Variants in ZFP57 observed in about 807,000 individuals in gnomAD.
The protein encoded by ZFP57 is zinc finger protein 57 homolog.
ZFP57 carries 12 observed loss-of-function variants against 15.8 expected under a neutral mutation model. The observed-to-expected ratio is 0.76, with a 90% CI of 0.49 to 1.23. ZFP57 has a LOEUF of 1.23. ZFP57 is among the 50% of genes most tolerant of loss of function. The pLI, the probability that ZFP57 is intolerant of heterozygous loss-of-function variation, is 0.00. For synonymous variants in ZFP57, 203 were observed against 242.3 expected, an observed-to-expected ratio of 0.84 and a Z score of 1.51; for missense variants, 536 against 654.9, an observed-to-expected ratio of 0.82 and a Z score of 1.98.
chr6:29,672,695 G>A lies in ZFP57; in HGVS notation c.1416C>T (p.His472=), dbSNP rs1355295275. The part of the protein sequence containing the change: ...YKGKDLCQSS[H]HKCRVILGQW... ...GGCCCAGGATCACCCGGCATTTATG[G>A]TGGCTGCTCTGGCACAGGTCCTTGC... is the stretch of plus-strand genomic sequence containing the variant. The change falls in exon 5 of 5, where the codon CAC becomes CAT. Residue 472 remains histidine (H), a synonymous_variant. Coordinates refer to ENST00000376883, the MANE Select transcript of ZFP57 (RefSeq NM_001109809.5). 3 of 1,612,706 alleles carry A rather than the reference G, an allele frequency of 1.9e-6. No individual in the cohort carries two copies. Among genetic ancestry groups the A allele is most frequent in the Non-Finnish European group, 1.7e-6 (2 of 1,179,768 alleles).
rs750951540 is a variant in ZFP57 at position 29,673,117 on chromosome 6, G to T, written c.994C>A (p.Pro332Thr). Residue 332 changes from proline to threonine, a missense_variant, in exon 5 of 5, where the codon CCC (proline) becomes ACC (threonine). Coordinates refer to ENST00000376883, the MANE Select transcript of ZFP57 (RefSeq NM_001109809.5). The surrounding 1 kb of genome is among the most constrained non-coding windows in gnomAD (Gnocchi z 4.7). ...ATAGGACCCTCAGTTCTAAATATGG[G>T]TTCCTGGGACCTGGCCACTGGTGCA... ...NHAPVARSQE[P>T]IFRTEGPMAQ... is the part of the protein sequence containing the mutation. The T allele has an allele frequency of 6.2e-7, 1 of 1,612,820 alleles. No individual in the cohort carries two copies. Among genetic ancestry groups the T allele is most frequent in the Non-Finnish European group, 8.5e-7 (1 of 1,180,014 alleles).
Position 29,673,856 on chromosome 6 carries a change from G to A in ZFP57, c.353-98C>T, listed in dbSNP as rs1055129094. 6.8e-7 allele frequency: 1 copy of A among 1,463,416 alleles called. No homozygotes were observed. The highest frequency in any genetic ancestry group is 2.3e-5 in the East Asian group (1 of 44,146). 90.7% of individuals were successfully genotyped at this position (1,463,416 alleles called of 1,614,324 possible). On this transcript the variant is annotated intron_variant, in intron 4 of 4. Coordinates refer to ENST00000376883, the MANE Select transcript of ZFP57 (RefSeq NM_001109809.5). This position sits in a 1 kb window ranked among gnomAD's most constrained non-coding sequence, Gnocchi z 4.7. ...CACCTGTAATCCCAGCACTTTGGGA[G>A]GCCGAGGCCAGCGGATCACCTGAGG...
At chr6:29,677,768 T>TACATACACACACAC (rs71550149) in intron 1 of ZFP57, among the ~76,000 whole-genome samples, 6,477 of 149,578 alleles carry the variant, frequency 0.043, 207 homozygotes, top group South Asian at 0.11. Flanking sequence ...ACCAAAATTA[T>TACATACACACACAC]ACACACACAC....
intron 1 of ZFP57, among the ~76,000 whole-genome samples, chr6:29,680,087 C>G (rs1002028336): frequency 6.6e-6 from 1 of 152,140 alleles, no homozygotes; most frequent in African/African-American, 2.4e-5. Context: ...TGTTGCTTGC[C>G]CAGGCACGTT....
At chr6:29,680,064 G>T (rs1174984054) in intron 1 of ZFP57, among the ~76,000 whole-genome samples, 1 of 152,190 alleles carries the variant, frequency 6.6e-6, no homozygotes, top group African/African-American at 2.4e-5. Flanking sequence ...CGTGGGGACT[G>T]AATCTCTGCG....
chr6:29,673,171 A>G lies in ZFP57; in HGVS notation c.940T>C (p.Ser314Pro). ...FQTPIARSQR[S>P]IQGLLDVNHA... ...TTCACATCCAAAAGCCCCTGGATGG[A>G]CCTCTGGCTTCTGGCGATGGGTGTC... The change falls in exon 5 of 5, where the codon TCC becomes CCC. Residue 314 changes from serine to proline, a missense_variant. By Grantham distance (74) the Ser-to-Pro change is moderately conservative (BLOSUM62 -1). Coordinates refer to ENST00000376883, the MANE Select transcript of ZFP57 (RefSeq NM_001109809.5). The surrounding 1 kb of genome is among the most constrained non-coding windows in gnomAD (Gnocchi z 4.7). 6.2e-7 allele frequency: 1 copy of G among 1,612,756 alleles called. No individual in the cohort carries two copies.
In ZFP57 at chr6:29,673,149, A is replaced by C. The variant is rs746751205; in HGVS notation, c.962T>G (p.Val321Gly). The C allele has an allele frequency of 6.2e-7, 1 of 1,612,972 alleles. No homozygotes were observed. The highest frequency in any genetic ancestry group is 2.2e-5 in the East Asian group (1 of 44,876). ...GGACCTGGCCACTGGTGCATGGTTC[A>C]CATCCAAAAGCCCCTGGATGGACCT... ...SQRSIQGLLD[V>G]NHAPVARSQE... Residue 321 changes from valine (V) to glycine (G), a missense_variant, in exon 5 of 5, where the codon GTG becomes GGG. Transcript: ENST00000376883. This position sits in a 1 kb window ranked among gnomAD's most constrained non-coding sequence, Gnocchi z 4.7.
rs2840215 is a variant in ZFP57 at position 29,673,910 on chromosome 6, A to G, written c.353-152T>C. 48,191 of 811,534 alleles carry G rather than the reference A, an allele frequency of 0.059. 2,079 individuals are homozygous for G. Among genetic ancestry groups the G allele is most frequent in the South Asian group, 0.13 (8,030 of 63,504 alleles). 50.3% of individuals were successfully genotyped at this position (811,534 alleles called of 1,614,324 possible). The stretch of plus-strand genomic sequence containing the variant: ...GGAGTTCGAAACCAGCCTGACCAAC[A>G]TGGTGAAACCCTGTCTCTACTACAA... On this transcript the variant is annotated intron_variant, in intron 4 of 4. Coordinates refer to ENST00000376883, the MANE Select transcript of ZFP57 (RefSeq NM_001109809.5). This position sits in a 1 kb window ranked among gnomAD's most constrained non-coding sequence, Gnocchi z 4.7.
rs1289068784 is a variant in ZFP57, at chr6:29,679,906, C to CA, written c.-364+1155dup. 1.6e-3 allele frequency among the ~76,000 whole-genome samples: 205 copies of CA among 128,476 alleles called. 1 individual carries two copies. The highest frequency in any genetic ancestry group is 2.2e-3 in the Non-Finnish European group (129 of 58,866). The allele number at this position is 128,476 out of a possible 152,430, so 84.3% of individuals were successfully genotyped here. On this transcript the variant is annotated intron_variant, in intron 1 of 4. Coordinates refer to ENST00000376883, the MANE Select transcript of ZFP57 (RefSeq NM_001109809.5). ...TCTCAAAAACAAACAAACAAACAAA[C>CA]AAACAAAAAAAAACGCCTTAGTAAC...
At chr6:29,676,214 C>G in intron 2 of ZFP57, 155 bp from the exon 3 acceptor site, 1 of 867,018 alleles carries the variant, frequency 1.2e-6, no homozygotes. Flanking sequence ...TATTAAAAGA[C>G]AGACACAAGG....
intron 1 of ZFP57, among the ~76,000 whole-genome samples, 151 bp from the exon 2 acceptor site, chr6:29,677,517 A>G (rs1481969644): frequency 6.6e-6 from 1 of 152,254 alleles, no homozygotes; most frequent in Admixed American, 6.5e-5. Flanking sequence ...GCCCTGTCTT[A>G]AGGACCTAAT....
Position 29,672,519 on chromosome 6 carries a change from C to T in ZFP57, c.1592G>A (p.Ser531Asn). ...GGCCATTTATTTATGTTTCAAGATG[C>T]TCACTGCCTCCTTTGTTTTGTCTCC... ...CKGDKTKEAV[S>N]ILKHK is the part of the protein sequence containing the mutation. The change falls in exon 5 of 5, where the codon AGC (serine) becomes AAC (asparagine). Residue 531 changes from serine (S) to asparagine (N), a missense_variant. Ser to Asn is a conservative substitution (Grantham distance 46, BLOSUM62 1). Coordinates refer to ENST00000376883, the MANE Select transcript of ZFP57 (RefSeq NM_001109809.5). 6.2e-7 allele frequency: 1 copy of T among 1,612,996 alleles called. No individual in the cohort carries two copies. The highest frequency in any genetic ancestry group is 1.7e-5 in the Admixed American group (1 of 60,012).
Position 29,675,334 on chromosome 6 carries a change from C to T in ZFP57, c.352+52G>A, listed in dbSNP as rs200536786. 7.6e-6 allele frequency: 10 copies of T among 1,309,740 alleles called. No individual in the cohort carries two copies. The East Asian group carries it at 2.3e-4, about 30-fold the overall frequency. The allele number at this position is 1,309,740 out of a possible 1,614,324, so 81.1% of individuals were successfully genotyped here. The stretch of plus-strand genomic sequence containing the variant: ...CCTCTTCATCAGCTCTCCATCCTTT[C>T]AGGGGTTATCCTGGGCCCTTTTCCC... On this transcript the variant is annotated intron_variant, in intron 4 of 4. Coordinates refer to ENST00000376883, the MANE Select transcript of ZFP57 (RefSeq NM_001109809.5).
At chr6:29,676,551 A>G (rs28580668) in intron 2 of ZFP57, among the ~76,000 whole-genome samples, 1,812 of 87,972 alleles carry the variant, frequency 0.021, 14 homozygotes, top group East Asian at 0.15. Flanking sequence ...AAAAAAAAAG[A>G]AAAAAAAAAA....
chr6:29,675,016 G>A (rs928569795), intron 4 of ZFP57, among the ~76,000 whole-genome samples: 2 of 152,042 alleles, frequency 1.3e-5, no homozygotes, highest in African/African-American at 2.4e-5. Context: ...ATCTGGACAC[G>A]GTGGCACATG....
chr6:29,675,527 G>T lies in ZFP57; in HGVS notation c.251-40C>A, dbSNP rs532367804. Reference sequence around the variant, plus strand: ...TGAGAAAGAGTTGAGTTGGTCCCAGGTATGGCCCCTTCACATCTGATGGGG... The same window carrying T: ...TGAGAAAGAGTTGAGTTGGTCCCAGTTATGGCCCCTTCACATCTGATGGGG... On this transcript the variant is annotated intron_variant, in intron 3 of 4. Transcript: ENST00000376883. 10 of 1,525,928 alleles carry T rather than the reference G, an allele frequency of 6.6e-6. No individual in the cohort carries two copies. In the East Asian group the frequency reaches 2.2e-4, roughly 34 times the overall value. 94.5% of individuals were successfully genotyped at this position (1,525,928 alleles called of 1,614,324 possible).
rs776700228 is a variant in ZFP57 at position 29,672,752 on chromosome 6, C to T, written c.1359G>A (p.Glu453=). 9 of 1,613,062 alleles carry T rather than the reference C, an allele frequency of 5.6e-6. No homozygotes were observed. The highest frequency in any genetic ancestry group is 6.8e-6 in the Non-Finnish European group (8 of 1,180,052). The change falls in exon 5 of 5, where the codon GAG becomes GAA. Residue 453 remains glutamate, a synonymous_variant. Coordinates refer to ENST00000376883, the MANE Select transcript of ZFP57 (RefSeq NM_001109809.5). ...AGCCCCTCCAGTGATCCATAAGGCC[C>T]TCTTTCTCCCCAAAGGAGAGGTCAC... The part of the protein sequence containing the change: ...PICDLSFGEK[E]GLMDHWRGYK...
intron 1 of ZFP57, among the ~76,000 whole-genome samples, chr6:29,680,352 A>G (rs1376974193): frequency 2.0e-5 from 3 of 152,148 alleles, no homozygotes; most frequent in Non-Finnish European, 2.9e-5. Context: ...AGCAATTCTG[A>G]GAATGATGAG....
At position 29,672,850 on chromosome 6, in the gene ZFP57, A is replaced by T. The variant is rs544556724; in HGVS notation, c.1261T>A (p.Phe421Ile). The T allele has an allele frequency of 1.2e-6, 2 of 1,613,084 alleles. No homozygotes were observed. Among genetic ancestry groups the T allele is most frequent in the South Asian group, 2.2e-5 (2 of 91,082 alleles). Residue 421 changes from phenylalanine (F) to isoleucine (I), a missense_variant, in exon 5 of 5, where the codon TTC becomes ATC. By Grantham distance (21) the Phe-to-Ile change is conservative. Coordinates refer to ENST00000376883, the MANE Select transcript of ZFP57 (RefSeq NM_001109809.5). ...CTGACCAGCCTGGAAAATGAGCTGAAAGACTTGCTGCAATGGAAGCAGTAG... is the reference window on the plus strand; with the variant it reads ...CTGACCAGCCTGGAAAATGAGCTGATAGACTTGCTGCAATGGAAGCAGTAG... The part of the protein sequence containing the change: ...PNYCFHCSKS[F>I]SSFSRLVRHQ...
Sources: allele counts gnomAD v4.1 joint callset (sites outside exome capture counted in the v4.1 genomes callset), GRCh38; gene constraint gnomAD v4.1.1; non-coding constraint Gnocchi (gnomAD v3.1); transcripts MANE v1.5; gene names NCBI Gene and HGNC (gene_info 2026-07-23, HGNC 2026-07-21).